KCNIP2: variants seen among roughly 807,000 people sequenced by gnomAD.
KCNIP2 encodes potassium voltage-gated channel interacting protein 2.
Under a neutral mutation model 39.0 loss-of-function variants are expected in KCNIP2, and 19 were observed. The ratio of observed to expected loss-of-function variants is 0.49; its 90% CI spans 0.34 to 0.71. The LOEUF is 0.71. Ranked by LOEUF, KCNIP2 falls within the 30% of genes least tolerant of loss-of-function variation. KCNIP2 has a pLI of 0.01. For synonymous variants in KCNIP2, 111 were observed against 131.2 expected, an observed-to-expected ratio of 0.85 and a Z score of 1.05; for missense variants, 261 against 346.0, an observed-to-expected ratio of 0.75 and a Z score of 1.95.
Position 101,843,184 on chromosome 10 carries a change from C to A in KCNIP2, c.73+312G>T, listed in dbSNP as rs190698796. 7.2e-5 allele frequency among the ~76,000 whole-genome samples: 11 copies of A among 152,098 alleles called. No homozygotes were observed. Among genetic ancestry groups the A allele is most frequent in the Admixed American group, 7.2e-4 (11 of 15,294 alleles). On this transcript the variant is annotated intron_variant, in intron 1 of 9. Coordinates refer to ENST00000356640, the MANE Select transcript of KCNIP2 (RefSeq NM_173191.3). The surrounding 1 kb of genome is among the most constrained non-coding windows in gnomAD (Gnocchi z 6.7). ...GGCAACCAGCTGTGGGAGGTGCGCG[C>A]GCACACACACACACACACACAGAAT... is the stretch of plus-strand genomic sequence containing the variant.
At chr10:101,830,354 A>G in intron 2 of KCNIP2, 2 of 1,234,928 alleles carry the variant, frequency 1.6e-6, no homozygotes, top group East Asian at 6.0e-5. Flanking sequence ...GTCGGGGCAT[A>G]GGCAACACAC....
chr10:101,830,683 A>C (rs1227513891), intron 2 of KCNIP2, among the ~76,000 whole-genome samples: 6 of 56,706 alleles, frequency 1.1e-4, no homozygotes, highest in South Asian at 4.7e-4. Flanking sequence ...GGTCACGCCC[A>C]CACACACACA....
intron 1 of KCNIP2, among the ~76,000 whole-genome samples, chr10:101,832,465 T>TC (rs1459235123): frequency 6.6e-6 from 1 of 151,960 alleles, no homozygotes; most frequent in Admixed American, 6.6e-5. Context: ...TAAAGGTTAC[T>TC]CCCCCTCCAT....
Position 101,843,502 on chromosome 10 carries a change from G to C in KCNIP2, c.67C>G (p.Leu23Val), listed in dbSNP as rs1196476904. ...SRDLDGSYDQ[L>V]TGHPPGPTKK... The stretch of plus-strand genomic sequence containing the variant: ...CCCCACGTCACTGACTCACCCGTGA[G>C]CTGGTCGTAGGAGCCGTCCAGGTCT... Residue 23 changes from leucine to valine, a missense_variant, in exon 1 of 10, where the codon CTC (leucine) becomes GTC (valine). Leu to Val is a conservative substitution (Grantham distance 32, BLOSUM62 1). Transcript: ENST00000356640. The surrounding 1 kb of genome is among the most constrained non-coding windows in gnomAD (Gnocchi z 6.7). The C allele has an allele frequency of 6.3e-7, 1 of 1,577,276 alleles. No individual in the cohort carries two copies. Among genetic ancestry groups the C allele is most frequent in the Non-Finnish European group, 8.6e-7 (1 of 1,162,618 alleles).
Position 101,843,586 on chromosome 10 carries a change from TC to T in KCNIP2, c.-19del. 6.7e-7 allele frequency: 1 copy of T among 1,485,038 alleles called. No homozygotes were observed. Among genetic ancestry groups the T allele is most frequent in the Non-Finnish European group, 9.0e-7 (1 of 1,111,604 alleles). 92.0% of individuals were successfully genotyped at this position (1,485,038 alleles called of 1,614,324 possible). On this transcript the variant is annotated 5_prime_UTR_variant, in exon 1 of 10. Coordinates refer to ENST00000356640, the MANE Select transcript of KCNIP2 (RefSeq NM_173191.3). The surrounding 1 kb of genome is among the most constrained non-coding windows in gnomAD (Gnocchi z 6.7). Reference sequence around the variant, plus strand: ...CCCCGCATGGCCCCCGGCGCCCCGCTCCCGCCCGGGCCGTGGGAGGGGGCGC... The same window carrying T: ...CCCCGCATGGCCCCCGGCGCCCCGCTCCGCCCGGGCCGTGGGAGGGGGCGC...
intron 1 of KCNIP2, among the ~76,000 whole-genome samples, chr10:101,836,833 C>T (rs1017866616): frequency 2.0e-5 from 3 of 152,108 alleles, no homozygotes; most frequent in South Asian, 4.1e-4. Flanking sequence ...TGGTGGCACA[C>T]ACCTGTAATC....
At position 101,838,559 on chromosome 10, in the gene KCNIP2, G is replaced by C. The variant is rs956861346; in HGVS notation, c.73+4937C>G. Among the ~76,000 whole-genome samples, 1 of 152,162 alleles carries C rather than the reference G, an allele frequency of 6.6e-6. No homozygotes were observed. The highest frequency in any genetic ancestry group is 1.5e-5 in the Non-Finnish European group (1 of 68,036). ...CGAGTGATTAATGACCTCCCTAGACGTTGGGGCTATTTTGGGTCCTGGAAG... is the reference window on the plus strand; with the variant it reads ...CGAGTGATTAATGACCTCCCTAGACCTTGGGGCTATTTTGGGTCCTGGAAG... On this transcript the variant is annotated intron_variant, in intron 1 of 9. Transcript: ENST00000356640. The surrounding 1 kb of genome is among the most constrained non-coding windows in gnomAD (Gnocchi z 4.0).
intron 2 of KCNIP2, 162 bp from the exon 3 acceptor site, chr10:101,830,059 C>A (rs916662175): frequency 5.0e-6 from 4 of 803,336 alleles, no homozygotes; most frequent in Non-Finnish European, 8.0e-6. Flanking sequence ...CACAAGCTTG[C>A]GGGACTCACG....
At chr10:101,839,014 A>T (rs899672140) in intron 1 of KCNIP2, among the ~76,000 whole-genome samples, 3 of 152,198 alleles carry the variant, frequency 2.0e-5, no homozygotes, top group African/African-American at 4.8e-5. Flanking sequence ...ACACCAAGGT[A>T]CAACCTCACG....
intron 1 of KCNIP2, among the ~76,000 whole-genome samples, chr10:101,837,581 G>T (rs1340761479): frequency 6.6e-6 from 1 of 152,116 alleles, no homozygotes; most frequent in Non-Finnish European, 1.5e-5. Context: ...AGGCAGAATT[G>T]CTTGAACCTG....
chr10:101,830,068 C>A lies in KCNIP2; in HGVS notation c.170-171G>T, dbSNP rs115098498. 536 of 759,174 alleles carry A rather than the reference C, an allele frequency of 7.1e-4. 1 individual carries two copies. The African/African-American group carries it at 8.5e-3, about 12-fold the overall frequency. 47.0% of individuals were successfully genotyped at this position (759,174 alleles called of 1,614,324 possible). ...CATGCACACAAGCTTGCGGGACTCA[C>A]GCCTGTCCTTTTCCGAATCCACCCC... On this transcript the variant is annotated intron_variant, in intron 2 of 9. Transcript: ENST00000356640.
chr10:101,833,869 C>A (rs1049899724), intron 1 of KCNIP2, among the ~76,000 whole-genome samples: 7 of 151,978 alleles, frequency 4.6e-5, no homozygotes, highest in Admixed American at 2.6e-4. Flanking sequence ...CAAAAAGGAC[C>A]CCCCAGAAAT....
At position 101,828,109 on chromosome 10, in the gene KCNIP2, C is replaced by G. The variant is rs2065808691; in HGVS notation, c.597+42G>C. 6.3e-7 allele frequency: 1 copy of G among 1,580,932 alleles called. No homozygotes were observed. Among genetic ancestry groups the G allele is most frequent in the South Asian group, 1.1e-5 (1 of 90,372 alleles). On this transcript the variant is annotated intron_variant, in intron 7 of 9. Transcript: ENST00000356640. This position sits in a 1 kb window ranked among gnomAD's most constrained non-coding sequence, Gnocchi z 6.6. ...TCCCATCACCCTCTGCACGCCACCC[C>G]CATCACCGCCACAGACCCCCAGCCC...
chr10:101,828,018 T>C lies in KCNIP2; in HGVS notation c.598-25A>G. On this transcript the variant is annotated intron_variant, in intron 7 of 9. Transcript: ENST00000356640. This position sits in a 1 kb window ranked among gnomAD's most constrained non-coding sequence, Gnocchi z 6.6. ...CCTGTTAGGCCAAGAGAGAAGAGGA[T>C]CCTTCCTCAGAGCCTCCAGCCTCCC... 1.3e-6 allele frequency: 2 copies of C among 1,597,686 alleles called. No homozygotes were observed. The highest frequency in any genetic ancestry group is 1.7e-6 in the Non-Finnish European group (2 of 1,165,052).
Position 101,842,058 on chromosome 10 carries a change from T to C in KCNIP2, c.73+1438A>G, listed in dbSNP as rs1027698877. On this transcript the variant is annotated intron_variant, in intron 1 of 9. Coordinates refer to ENST00000356640, the MANE Select transcript of KCNIP2 (RefSeq NM_173191.3). ...GTGATGGGGGATGGGGGAAGACACATGCTCAAGGCACCTCATCCTAGTCCC... is the reference window on the plus strand; with the variant it reads ...GTGATGGGGGATGGGGGAAGACACACGCTCAAGGCACCTCATCCTAGTCCC... 5.3e-5 allele frequency among the ~76,000 whole-genome samples: 8 copies of C among 152,052 alleles called. No individual in the cohort carries two copies. In the East Asian group the frequency reaches 1.5e-3, roughly 29 times the overall value.
At chr10:101,836,951 ACT>A (rs1352443506) in intron 1 of KCNIP2, among the ~76,000 whole-genome samples, 1 of 151,640 alleles carries the variant, frequency 6.6e-6, no homozygotes, top group Admixed American at 6.6e-5. Flanking sequence ...ACAGAGCGAG[ACT>A]CTGTCTCAAA....
At position 101,827,769 on chromosome 10, in the gene KCNIP2, G is replaced by T. The variant is rs751859470; in HGVS notation, c.703-18C>A. 13 of 1,595,392 alleles carry T rather than the reference G, an allele frequency of 8.1e-6. No individual in the cohort carries two copies. The African/African-American group carries it at 1.5e-4, about 18-fold the overall frequency. On this transcript the variant is annotated intron_variant, in intron 8 of 9. Coordinates refer to ENST00000356640, the MANE Select transcript of KCNIP2 (RefSeq NM_173191.3). ...TCCATCTTCTGCAAGAAGGTGGTCAGGCAGGGAGAACAGGAGGGATGGCAA... is the reference window on the plus strand; with the variant it reads ...TCCATCTTCTGCAAGAAGGTGGTCATGCAGGGAGAACAGGAGGGATGGCAA...
Position 101,838,782 on chromosome 10 carries a change from G to C in KCNIP2, c.73+4714C>G, listed in dbSNP as rs1409985543. 6.6e-6 allele frequency among the ~76,000 whole-genome samples: 1 copy of C among 152,186 alleles called. No homozygotes were observed. Among genetic ancestry groups the C allele is most frequent in the Non-Finnish European group, 1.5e-5 (1 of 68,024 alleles). On this transcript the variant is annotated intron_variant, in intron 1 of 9. Transcript: ENST00000356640. The surrounding 1 kb of genome is among the most constrained non-coding windows in gnomAD (Gnocchi z 4.0). ...GCCACAGGCCCTATCTATACTCCAG[G>C]GGCTCAAGTGGATACCCATGGAGAG...
Position 101,828,256 on chromosome 10 carries a change from G to A in KCNIP2, c.492C>T (p.Asp164=). 6.2e-7 allele frequency: 1 copy of A among 1,614,084 alleles called. No homozygotes were observed. The part of the protein sequence containing the change: ...TNHDGSVSFE[D]FVAGLSVILR... ...GAATCACGGACAAACCAGCCACAAA[G>A]TCCTGGGAAGGAGGCAGGAGGGAGC... Residue 164 remains aspartate, a splice_region_variant and synonymous_variant, in exon 7 of 10, where the codon GAC becomes GAT. Transcript: ENST00000356640. The surrounding 1 kb of genome is among the most constrained non-coding windows in gnomAD (Gnocchi z 6.6).
Sources: gnomAD v4.1 joint callset for allele counts (sites outside exome capture counted in the v4.1 genomes callset) on GRCh38, gnomAD v4.1.1 for gene constraint, Gnocchi (gnomAD v3.1) non-coding constraint, MANE v1.5 for transcripts, NCBI Gene and HGNC (gene_info 2026-07-23, HGNC 2026-07-21) for gene names.